The following SUGCT variants were observed in gnomAD, a reference collection of about 807,000 sequenced individuals.
SUGCT encodes succinyl-CoA:glutarate CoA-transferase.
A neutral mutation model predicts 55.0 loss-of-function variants in SUGCT; 41 were observed. The ratio of observed to expected loss-of-function variants is 0.74; its 90% CI spans 0.58 to 0.97. The LOEUF (loss-of-function observed/expected upper bound fraction) is 0.97, where lower values mean the gene tolerates loss of function less well. Among genes scored for constraint, SUGCT ranks in the 50% least tolerant of loss-of-function variants. The pLI, the probability that SUGCT is intolerant of heterozygous loss-of-function variation, is 0.00. For missense variants in SUGCT, 568 were observed against 547.8 expected, an observed-to-expected ratio of 1.04 and a Z score of -0.37; for synonymous variants, 187 against 200.4, an observed-to-expected ratio of 0.93 and a Z score of 0.56.
the SUGCT span, among the ~76,000 whole-genome samples, chr7:40,993,762 G>A: frequency 6.6e-6 from 1 of 152,162 alleles, no homozygotes; most frequent in Non-Finnish European, 1.5e-5. Context: ...GCTCAGAGCT[G>A]GAAAATGACC....
At chr7:40,494,518 G>A (rs973096440) in intron 11 of SUGCT, among the ~76,000 whole-genome samples, 6 of 152,122 alleles carry the variant, frequency 3.9e-5, no homozygotes, top group Non-Finnish European at 8.8e-5. Context: ...TAGAAGTGAA[G>A]TATTTTATTG....
chr7:41,022,546 AT>A, the SUGCT span, among the ~76,000 whole-genome samples: 2 of 152,198 alleles, frequency 1.3e-5, no homozygotes, highest in East Asian at 3.8e-4. Flanking sequence ...TGTTGGATAC[AT>A]TTCTTCAAAA....
intron 7 of SUGCT, among the ~76,000 whole-genome samples, chr7:40,250,372 C>G (rs1226209936): frequency 6.6e-6 from 1 of 151,420 alleles, no homozygotes; most frequent in Non-Finnish European, 1.5e-5. Context: ...TGCCCTCCAG[C>G]CTGGGCAACA....
At chr7:40,333,540 G>A (rs532304845) in intron 9 of SUGCT, among the ~76,000 whole-genome samples, 135 of 148,186 alleles carry the variant, frequency 9.1e-4, no homozygotes, top group Non-Finnish European at 1.7e-3. Flanking sequence ...GGGAGGGTGA[G>A]GCAGGAGAAT....
rs1158991481 is a variant in SUGCT, at chr7:40,736,252, T to C, written c.1090-13182T>C. On this transcript the variant is annotated intron_variant, in intron 12 of 13. Coordinates refer to ENST00000335693, the MANE Select transcript of SUGCT (RefSeq NM_001193313.2). ...ATATCAATATATAATATATAATATA[T>C]TATAATATTTCAATATATAATATAT... is the stretch of plus-strand genomic sequence containing the variant. 5.9e-5 allele frequency among the ~76,000 whole-genome samples: 4 copies of C among 68,234 alleles called. No individual in the cohort carries two copies. The East Asian group carries it at 1.2e-3, about 21-fold the overall frequency. The allele number at this position is 68,234 out of a possible 152,430, so 44.8% of individuals were successfully genotyped here.
chr7:40,899,994 C>T, the SUGCT span, among the ~76,000 whole-genome samples: 367 of 152,294 alleles, frequency 2.4e-3, 1 homozygote, highest in Non-Finnish European at 3.8e-3. Context: ...TGGGTGGGCC[C>T]TGGCCCTCTC....
chr7:40,411,840 T>G (rs922510014), intron 9 of SUGCT, among the ~76,000 whole-genome samples: 1 of 152,198 alleles, frequency 6.6e-6, no homozygotes, highest in African/African-American at 2.4e-5. Flanking sequence ...CCTGATTTGA[T>G]CTTTATACAT....
At chr7:40,471,805 A>G (rs545503449) in intron 11 of SUGCT, among the ~76,000 whole-genome samples, 1 of 152,252 alleles carries the variant, frequency 6.6e-6, no homozygotes, top group Admixed American at 6.5e-5. Context: ...GGTGGGAAAT[A>G]TATTTCCAAG....
intron 9 of SUGCT, among the ~76,000 whole-genome samples, chr7:40,437,501 C>T (rs1788244115): frequency 6.6e-6 from 1 of 152,152 alleles, no homozygotes; most frequent in African/African-American, 2.4e-5. Flanking sequence ...CCTGCCAATG[C>T]CAAATTGGTA....
At chr7:40,404,831 G>A (rs763740535) in intron 9 of SUGCT, among the ~76,000 whole-genome samples, 11 of 152,142 alleles carry the variant, frequency 7.2e-5, no homozygotes, top group Non-Finnish European at 1.5e-4. Context: ...TGCTTCTCAG[G>A]TCAACAAAGC....
the SUGCT span, among the ~76,000 whole-genome samples, chr7:40,913,994 T>C: frequency 6.6e-6 from 1 of 151,338 alleles, no homozygotes; most frequent in South Asian, 2.1e-4. Flanking sequence ...ACAATAATCC[T>C]ATCACAAAAA....
intron 12 of SUGCT, among the ~76,000 whole-genome samples, chr7:40,720,929 A>G (rs938234155): frequency 1.1e-4 from 16 of 152,174 alleles, no homozygotes; most frequent in African/African-American, 3.9e-4. Flanking sequence ...GATTTGTAAG[A>G]GTCAGGTTAT....
intron 7 of SUGCT, among the ~76,000 whole-genome samples, chr7:40,249,653 T>G (rs1453832140): frequency 6.6e-6 from 1 of 152,004 alleles, no homozygotes; most frequent in Non-Finnish European, 1.5e-5. Flanking sequence ...AGTAATGAAG[T>G]TTTTCTTAAT....
At chr7:40,186,271 T>A (rs1785504399) in intron 3 of SUGCT, among the ~76,000 whole-genome samples, 1 of 146,848 alleles carries the variant, frequency 6.8e-6, no homozygotes, top group Non-Finnish European at 1.5e-5. Flanking sequence ...TTCTTTTTCT[T>A]TTCTTTTCAC....
intron 12 of SUGCT, among the ~76,000 whole-genome samples, chr7:40,702,328 C>T (rs1318988724): frequency 6.6e-6 from 1 of 152,178 alleles, no homozygotes; most frequent in Non-Finnish European, 1.5e-5. Context: ...AAGGATTTCT[C>T]CTAATGTGAA....
rs566130204 is a variant in SUGCT at position 40,701,751 on chromosome 7, A to G, written c.1090-47683A>G. ...ATTGTAACATGCTCTGCCATCCCCA[A>G]TTGCTAAACTTCACTGGAAAGCTCT... is the stretch of plus-strand genomic sequence containing the variant. On this transcript the variant is annotated intron_variant, in intron 12 of 13. Coordinates refer to ENST00000335693, the MANE Select transcript of SUGCT (RefSeq NM_001193313.2). 5.3e-5 allele frequency among the ~76,000 whole-genome samples: 8 copies of G among 152,264 alleles called. No homozygotes were observed. The East Asian group carries it at 1.5e-3, about 29-fold the overall frequency.
intron 12 of SUGCT, among the ~76,000 whole-genome samples, chr7:40,655,808 G>A (rs1416402366): frequency 6.6e-6 from 1 of 151,698 alleles, no homozygotes; most frequent in Non-Finnish European, 1.5e-5. Flanking sequence ...CTTTTTTTTG[G>A]CCATATCCAA....
At chr7:40,488,445 A>G (rs1791505886) in intron 11 of SUGCT, among the ~76,000 whole-genome samples, 1 of 152,080 alleles carries the variant, frequency 6.6e-6, no homozygotes, top group Non-Finnish European at 1.5e-5. Context: ...ACGAATTATC[A>G]TAGTTGTTAT....
chr7:40,898,572 A>AATT, the SUGCT span, among the ~76,000 whole-genome samples: 1 of 151,220 alleles, frequency 6.6e-6, no homozygotes, highest in Non-Finnish European at 1.5e-5. Context: ...AAATACAAAA[A>AATT]ATTATTTTGG....
Sources: allele counts gnomAD v4.1 joint callset (sites outside exome capture counted in the v4.1 genomes callset), GRCh38; gene constraint gnomAD v4.1.1; transcripts MANE v1.5; gene names NCBI Gene and HGNC (gene_info 2026-07-23, HGNC 2026-07-21).